The following CASR variants were observed in gnomAD, a reference collection of about 807,000 sequenced individuals.
CASR encodes the protein calcium sensing receptor.
Under a neutral mutation model 69.1 loss-of-function variants are expected in CASR, and 23 were observed. The observed-to-expected ratio is 0.33, with a 90% CI of 0.24 to 0.47. CASR has a LOEUF of 0.47. Among genes scored for constraint, CASR ranks in the 20% least tolerant of loss-of-function variants. The probability of loss-of-function intolerance (pLI) is 1.00; values close to 1 mark genes in which losing one functional copy is unlikely to be tolerated. For missense variants in CASR, 924 were observed against 1,356.1 expected, an observed-to-expected ratio of 0.68 and a Z score of 5.00; for synonymous variants, 541 against 544.7, an observed-to-expected ratio of 0.99 and a Z score of 0.10.
chr3:122,278,502 G>A (rs2074849042), intron 5 of CASR, among the ~76,000 whole-genome samples: 1 of 152,132 alleles, frequency 6.6e-6, no homozygotes, highest in Non-Finnish European at 1.5e-5. Context: ...ACCTTAATTA[G>A]GGTCTTGGAA....
rs2074953171 is a variant in CASR at position 122,285,037 on chromosome 3, A to G, written c.3083A>G (p.Gln1028Arg). 10 of 1,614,240 alleles carry G rather than the reference A, an allele frequency of 6.2e-6. No homozygotes were observed. In the African/African-American group the frequency reaches 8.0e-5, roughly 13 times the overall value. The change falls in exon 7 of 7, where the codon CAG becomes CGG. Residue 1028 changes from glutamine (Q) to arginine (R), a missense_variant. By Grantham distance (43) the Gln-to-Arg change is conservative. Coordinates refer to ENST00000639785, the MANE Select transcript of CASR (RefSeq NM_000388.4). ...CGETDLDLTV[Q>R]ETGLQGPVGG... is the part of the protein sequence containing the mutation. ...GAAACGGACTTAGATCTGACCGTCC[A>G]GGAAACAGGTCTGCAAGGACCTGTG... is the stretch of plus-strand genomic sequence containing the variant.
intron 1 of CASR, among the ~76,000 whole-genome samples, chr3:122,219,360 C>G (rs1385600596): frequency 2.6e-5 from 4 of 152,074 alleles, no homozygotes; most frequent in South Asian, 4.2e-4. Flanking sequence ...CCAAATGACC[C>G]CTAAAGAAGT....
At chr3:122,249,420 C>T (rs34345120) in intron 1 of CASR, among the ~76,000 whole-genome samples, 6,754 of 152,326 alleles carry the variant, frequency 0.044, 176 homozygotes, top group South Asian at 0.077. Flanking sequence ...CTTGCACTCC[C>T]TGGTATCTAG....
chr3:122,227,368 C>T (rs764876321), intron 1 of CASR, among the ~76,000 whole-genome samples: 5 of 152,212 alleles, frequency 3.3e-5, no homozygotes, highest in East Asian at 1.9e-4. Flanking sequence ...CCCTGCCCCA[C>T]GGGGAGGCAG....
At chr3:122,222,373 G>A (rs2074180316) in intron 1 of CASR, among the ~76,000 whole-genome samples, 1 of 152,022 alleles carries the variant, frequency 6.6e-6, no homozygotes. Context: ...GATATCCGTT[G>A]AGCACACTAC....
chr3:122,248,525 A>G (rs2074450764), intron 1 of CASR, among the ~76,000 whole-genome samples: 2 of 152,180 alleles, frequency 1.3e-5, no homozygotes, highest in Non-Finnish European at 2.9e-5. Context: ...CCAGAGACAT[A>G]GCAGTGTACT....
At chr3:122,279,668 TTAAAAACAAAAATTTTTAAC>T (rs1451153708) in intron 5 of CASR, among the ~76,000 whole-genome samples, 2 of 152,016 alleles carry the variant, frequency 1.3e-5, no homozygotes, top group Non-Finnish European at 2.9e-5. Flanking sequence ...ACCTCTCAGG[TTAAAAACAAAAATTTTTAAC>T]CTCTCAGGTT....
intron 1 of CASR, among the ~76,000 whole-genome samples, chr3:122,227,318 G>A (rs2074233474): frequency 6.6e-6 from 1 of 152,222 alleles, no homozygotes; most frequent in Non-Finnish European, 1.5e-5. Flanking sequence ...GGGGGGTTGG[G>A]GTGGGGAGGG....
chr3:122,284,681 C>G lies in CASR; in HGVS notation c.2727C>G (p.Thr909=). The change falls in exon 7 of 7, where the codon ACC becomes ACG. Residue 909 remains threonine, a synonymous_variant. Transcript: ENST00000639785. ...SSSLGGSTGS[T]PSSSISSKSN... ...GCCTTGGAGGCTCCACGGGATCCACCCCCTCCTCCTCCATCAGCAGCAAGA... is the reference window on the plus strand; with the variant it reads ...GCCTTGGAGGCTCCACGGGATCCACGCCCTCCTCCTCCATCAGCAGCAAGA... 1.9e-6 allele frequency: 3 copies of G among 1,613,488 alleles called. No homozygotes were observed. The highest frequency in any genetic ancestry group is 1.7e-6 in the Non-Finnish European group (2 of 1,179,484).
intron 5 of CASR, among the ~76,000 whole-genome samples, chr3:122,281,889 T>C (rs2074893066): frequency 6.6e-6 from 1 of 152,190 alleles, no homozygotes; most frequent in African/African-American, 2.4e-5. Context: ...CATGTGTGTG[T>C]GTGTGTGCAT....
intron 1 of CASR, among the ~76,000 whole-genome samples, chr3:122,231,409 G>A (rs779713706): frequency 6.6e-6 from 1 of 152,298 alleles, no homozygotes; most frequent in East Asian, 1.9e-4. Context: ...ACCATCATAC[G>A]AAGAGCTAAT....
At position 122,272,091 on chromosome 3, in the gene CASR, G is replaced by GCA. The variant is rs35249463; in HGVS notation, c.1378-3687_1378-3686dup. On this transcript the variant is annotated intron_variant, in intron 4 of 6. Coordinates refer to ENST00000639785, the MANE Select transcript of CASR (RefSeq NM_000388.4). ...ATATATTTTCATTTCTCCTAGGAAT[G>GCA]CACACACACACACACACACACACAC... Among the ~76,000 whole-genome samples, 412 of 148,928 alleles carry GCA rather than the reference G, an allele frequency of 2.8e-3. 2 individuals carry two copies. The highest frequency in any genetic ancestry group is 3.6e-3 in the Non-Finnish European group (243 of 67,068).
chr3:122,210,683 A>G (rs1295778776), intron 1 of CASR, among the ~76,000 whole-genome samples: 1 of 151,774 alleles, frequency 6.6e-6, no homozygotes, highest in Non-Finnish European at 1.5e-5. Flanking sequence ...GTGTAGATTC[A>G]ATGCTATTCC....
intron 1 of CASR, among the ~76,000 whole-genome samples, chr3:122,211,840 C>T (rs986537297): frequency 7.9e-5 from 12 of 152,272 alleles, no homozygotes; most frequent in African/African-American, 2.4e-4. Context: ...TAGAGAAACA[C>T]GAAACCAACC....
intron 3 of CASR, chr3:122,257,652 A>T: frequency 5.3e-6 from 2 of 379,264 alleles, no homozygotes; most frequent in South Asian, 5.0e-5. Flanking sequence ...AGAGGCATTC[A>T]GTTATTTATT....
In CASR at chr3:122,285,017, G is replaced by A. The variant is rs193922440; in HGVS notation, c.3063G>A (p.Thr1021=). 9 of 1,614,230 alleles carry A rather than the reference G, an allele frequency of 5.6e-6. No individual in the cohort carries two copies. The East Asian group carries it at 1.6e-4, about 28-fold the overall frequency. Residue 1021 remains threonine (T), a synonymous_variant, in exon 7 of 7, where the codon ACG becomes ACA. Coordinates refer to ENST00000639785, the MANE Select transcript of CASR (RefSeq NM_000388.4). ...TACTCCCGCTGCAGTGCGGGGAAACGGACTTAGATCTGACCGTCCAGGAAA... is the reference window on the plus strand; with the variant it reads ...TACTCCCGCTGCAGTGCGGGGAAACAGACTTAGATCTGACCGTCCAGGAAA... ...EPLLPLQCGE[T]DLDLTVQETG...
At chr3:122,241,997 C>A (rs1041358306) in intron 1 of CASR, among the ~76,000 whole-genome samples, 3 of 151,928 alleles carry the variant, frequency 2.0e-5, no homozygotes, top group African/African-American at 4.8e-5. Flanking sequence ...ATGATAAAAG[C>A]CCTCAAAAAC....
At position 122,284,441 on chromosome 3, in the gene CASR, T is replaced by C. The variant is rs2107650596; in HGVS notation, c.2487T>C (p.Tyr829=). Residue 829 remains tyrosine, a synonymous_variant, in exon 7 of 7, where the codon TAT becomes TAC. Coordinates refer to ENST00000639785, the MANE Select transcript of CASR (RefSeq NM_000388.4). The part of the protein sequence containing the change: ...ISFIPAYAST[Y]GKFVSAVEVI... Reference sequence around the variant, plus strand: ...TCATTCCAGCCTATGCCAGCACCTATGGCAAGTTTGTCTCTGCCGTAGAGG... The same window carrying C: ...TCATTCCAGCCTATGCCAGCACCTACGGCAAGTTTGTCTCTGCCGTAGAGG... 1 of 1,613,862 alleles carries C rather than the reference T, an allele frequency of 6.2e-7. No individual in the cohort carries two copies. The highest frequency in any genetic ancestry group is 8.5e-7 in the Non-Finnish European group (1 of 1,180,026).
chr3:122,232,322 G>A (rs567878069), intron 1 of CASR, among the ~76,000 whole-genome samples: 5 of 152,300 alleles, frequency 3.3e-5, no homozygotes, highest in African/African-American at 7.2e-5. Flanking sequence ...GAAGTGCCAC[G>A]CAGATGCAGA....
Sources: gnomAD v4.1 joint callset for allele counts (sites outside exome capture counted in the v4.1 genomes callset) on GRCh38, gnomAD v4.1.1 for gene constraint, MANE v1.5 for transcripts, NCBI Gene and HGNC (gene_info 2026-07-23, HGNC 2026-07-21) for gene names.